The following AKT3 variants were observed in gnomAD, a reference collection of about 807,000 sequenced individuals.
AKT3 encodes AKT serine/threonine kinase 3.
A neutral mutation model predicts 65.3 loss-of-function variants in AKT3; 15 were observed. The observed-to-expected ratio is 0.23, with a 90% CI of 0.15 to 0.35. The LOEUF is 0.35. AKT3 is among the 10% of genes least tolerant of loss of function. The pLI is 1.00. For synonymous variants in AKT3, 206 were observed against 183.8 expected (o/e 1.12, Z -0.98); for missense variants, 243 against 576.5 (o/e 0.42, Z 5.92).
At chr1:243,622,685 T>A (rs1335004731) in intron 6 of AKT3, among the ~76,000 whole-genome samples, 1 of 152,172 alleles carries the variant, frequency 6.6e-6, no homozygotes, top group Non-Finnish European at 1.5e-5. Flanking sequence ...AGAACATAAA[T>A]CACTGAAATC....
intron 2 of AKT3, among the ~76,000 whole-genome samples, chr1:243,746,734 CA>C (rs1328842440): frequency 6.6e-6 from 1 of 152,118 alleles, no homozygotes; most frequent in Non-Finnish European, 1.5e-5. Context: ...TTATTAGAGA[CA>C]GAGAGAGAAC....
At chr1:243,791,458 C>T (rs182072557) in intron 2 of AKT3, among the ~76,000 whole-genome samples, 41 of 152,164 alleles carry the variant, frequency 2.7e-4, no homozygotes, top group African/African-American at 9.6e-4. Flanking sequence ...AAACGCAATA[C>T]GCCTAAAAAC....
chr1:243,553,071 C>T, intron 10 of AKT3, 128 bp from the exon 11 acceptor site: 3 of 664,162 alleles, frequency 4.5e-6, no homozygotes, highest in Non-Finnish European at 7.2e-6. Context: ...GAGATCTTGA[C>T]ATTTAAACTG....
At chr1:243,681,894 A>G (rs935876181) in intron 3 of AKT3, among the ~76,000 whole-genome samples, 1 of 152,098 alleles carries the variant, frequency 6.6e-6, no homozygotes, top group Admixed American at 6.6e-5. Context: ...CAAATAAAAC[A>G]CCTTGTAAAA....
At chr1:243,540,479 CAT>C (rs756956768) in intron 12 of AKT3, among the ~76,000 whole-genome samples, 26 of 152,084 alleles carry the variant, frequency 1.7e-4, no homozygotes, top group Non-Finnish European at 3.1e-4. Context: ...ATTATAACAT[CAT>C]GTTTTTATAA....
intron 2 of AKT3, among the ~76,000 whole-genome samples, chr1:243,836,038 C>G (rs1694870478): frequency 6.6e-6 from 1 of 151,912 alleles, no homozygotes; most frequent in African/African-American, 2.4e-5. Flanking sequence ...TCAATCATAT[C>G]AATAATTACA....
intron 8 of AKT3, among the ~76,000 whole-genome samples, chr1:243,576,712 A>G (rs1227001859): frequency 6.6e-6 from 1 of 152,232 alleles, no homozygotes; most frequent in East Asian, 1.9e-4. Context: ...ACTACGGCTC[A>G]AGGAAATAAG....
chr1:243,625,889 G>C (rs1163554935), intron 6 of AKT3, among the ~76,000 whole-genome samples: 3 of 152,110 alleles, frequency 2.0e-5, no homozygotes, highest in Admixed American at 6.6e-5. Context: ...GTTCCTAAAG[G>C]GACAGCTAGT....
At chr1:243,753,591 T>TG (rs1688943533) in intron 2 of AKT3, among the ~76,000 whole-genome samples, 3 of 152,242 alleles carry the variant, frequency 2.0e-5, no homozygotes, top group Non-Finnish European at 4.4e-5. Flanking sequence ...TATGTACATC[T>TG]GATAGTTGTA....
chr1:243,492,878 A>G (rs932359075), intron 13 of AKT3, among the ~76,000 whole-genome samples: 3 of 152,162 alleles, frequency 2.0e-5, no homozygotes, highest in African/African-American at 7.2e-5. Flanking sequence ...AAGTGCTGGC[A>G]TTACAGGCAT....
chr1:243,503,464 CTAAAATACATTTCCATG>C lies in AKT3; in HGVS notation c.*1768_*1784del, dbSNP rs1219137110. On this transcript the variant is annotated 3_prime_UTR_variant, in exon 14 of 14. Coordinates refer to ENST00000673466, the MANE Select transcript of AKT3 (RefSeq NM_005465.7). ...CCGTTTGGGAGCTGTCAGAGTTTAA[CTAAAATACATTTCCATG>C]ATCACTCCGCGGAGTAGGATGGCCT... 4.3e-6 allele frequency: 1 copy of C among 233,466 alleles called. No homozygotes were observed. The highest frequency in any genetic ancestry group is 8.5e-6 in the Non-Finnish European group (1 of 117,988). The allele number at this position is 233,466 out of a possible 1,614,324, so 14.5% of individuals were successfully genotyped here. A position where few individuals can be genotyped will look rare whatever the true frequency, so the allele number is the denominator to read the frequency against.
At chr1:243,545,450 T>C in intron 12 of AKT3, 60 bp downstream of exon 12, 1 of 937,980 alleles carries the variant, frequency 1.1e-6, no homozygotes, top group Non-Finnish European at 1.7e-6. Flanking sequence ...ATTTTTGCTA[T>C]AAATTCATTT....
intron 3 of AKT3, among the ~76,000 whole-genome samples, chr1:243,679,845 T>C (rs774088085): frequency 1.1e-4 from 17 of 152,106 alleles, no homozygotes; most frequent in African/African-American, 1.7e-4. Context: ...CCTAGAGGCA[T>C]AGAAATATCA....
intron 8 of AKT3, among the ~76,000 whole-genome samples, chr1:243,609,264 A>T (rs941828487): frequency 1.2e-4 from 18 of 152,220 alleles, no homozygotes; most frequent in African/African-American, 4.3e-4. Flanking sequence ...AAAAAAAAAA[A>T]ATTGTGAGGT....
At chr1:243,658,350 A>G (rs1206207098) in intron 4 of AKT3, among the ~76,000 whole-genome samples, 1 of 152,210 alleles carries the variant, frequency 6.6e-6, no homozygotes, top group African/African-American at 2.4e-5. Context: ...GGTATTTGAA[A>G]AATGCTTAGC....
At chr1:243,657,604 A>G (rs1213533448) in intron 4 of AKT3, among the ~76,000 whole-genome samples, 1 of 152,206 alleles carries the variant, frequency 6.6e-6, no homozygotes, top group Non-Finnish European at 1.5e-5. Context: ...AATCCTTTTC[A>G]AAATCCTACA....
chr1:243,565,701 CTG>C (rs1479919385), intron 9 of AKT3, among the ~76,000 whole-genome samples: 3 of 152,144 alleles, frequency 2.0e-5, no homozygotes, highest in African/African-American at 7.2e-5. Flanking sequence ...CTGCCTTGGT[CTG>C]TCTCTTCTCA....
chr1:243,828,065 A>AAACAACAAC (rs60497718), intron 2 of AKT3, among the ~76,000 whole-genome samples: 12 of 150,720 alleles, frequency 8.0e-5, no homozygotes, highest in African/African-American at 2.4e-4. Context: ...AATGTTTTAA[A>AAACAACAAC]AACAACAACA....
At chr1:243,563,687 T>C in intron 10 of AKT3, 33 bp downstream of exon 10, 1 of 1,577,912 alleles carries the variant, frequency 6.3e-7, no homozygotes, top group Non-Finnish European at 8.6e-7. Context: ...ATTATGTCAA[T>C]GTTACTTTCC....
Sources: allele counts gnomAD v4.1 joint callset (sites outside exome capture counted in the v4.1 genomes callset), GRCh38; gene constraint gnomAD v4.1.1; transcripts MANE v1.5; gene names NCBI Gene and HGNC (gene_info 2026-07-23, HGNC 2026-07-21).